ADAMTS17: variants seen among roughly 807,000 people sequenced by gnomAD.
ADAMTS17 encodes the protein A disintegrin and metalloproteinase with thrombospondin motifs 17.
In ADAMTS17, 113 loss-of-function variants were observed where a neutral mutation model predicts 141.5. The observed-to-expected ratio is 0.80, with a 90% CI of 0.69 to 0.93. ADAMTS17 has a LOEUF of 0.93. Ranked by LOEUF, ADAMTS17 falls within the 40% of genes least tolerant of loss-of-function variation. ADAMTS17 has a pLI of 0.00. For missense variants in ADAMTS17, 1,659 were observed against 1,517.9 expected, an observed-to-expected ratio of 1.09 and a Z score of -1.54; for synonymous variants, 768 against 630.6, an observed-to-expected ratio of 1.22 and a Z score of -3.27.
intron 18 of ADAMTS17, among the ~76,000 whole-genome samples, chr15:100,027,310 C>T (rs2043409132): frequency 1.3e-5 from 2 of 151,452 alleles, no homozygotes; most frequent in African/African-American, 2.4e-5. Context: ...GCATTCTTTT[C>T]ATTTTGTCAG....
intron 15 of ADAMTS17, among the ~76,000 whole-genome samples, chr15:100,063,332 T>C (rs773953211): frequency 6.6e-6 from 1 of 152,234 alleles, no homozygotes; most frequent in African/African-American, 2.4e-5. Context: ...TGGCCTGCAC[T>C]GCTCAGACTC....
chr15:100,341,515 G>C, intron 1 of ADAMTS17, 106 bp from the exon 2 acceptor site: 3 of 970,482 alleles, frequency 3.1e-6, no homozygotes, highest in South Asian at 4.8e-5. Context: ...ACCCGGAGCC[G>C]GCGCTGCCTT....
In ADAMTS17 at chr15:100,108,863, G is replaced by T. The variant is rs1187922095; in HGVS notation, c.2016+126C>A. On this transcript the variant is annotated intron_variant, in intron 14 of 21. Coordinates refer to ENST00000268070, the MANE Select transcript of ADAMTS17 (RefSeq NM_139057.4). ...CTGGCGGCAGGAGGCGGCATCACTG[G>T]GTGCCTTCCTAAGAAAATCCACTCC... 5.9e-6 allele frequency: 9 copies of T among 1,529,238 alleles called. No individual in the cohort carries two copies. In the East Asian group the frequency reaches 1.8e-4, roughly 31 times the overall value. The allele number at this position is 1,529,238 out of a possible 1,614,324, so 94.7% of individuals were successfully genotyped here.
At chr15:100,265,703 A>C (rs2043690081) in intron 4 of ADAMTS17, among the ~76,000 whole-genome samples, 1 of 152,216 alleles carries the variant, frequency 6.6e-6, no homozygotes. Flanking sequence ...GCCTCCCCCC[A>C]GAGCCACACA....
At chr15:100,254,659 C>G (rs1489021612) in intron 6 of ADAMTS17, among the ~76,000 whole-genome samples, 1 of 152,166 alleles carries the variant, frequency 6.6e-6, no homozygotes, top group Non-Finnish European at 1.5e-5. Context: ...CTCTACTATG[C>G]AGCCATAAAA....
intron 10 of ADAMTS17, among the ~76,000 whole-genome samples, chr15:100,151,144 G>A (rs2039143547): frequency 1.3e-5 from 2 of 152,190 alleles, no homozygotes; most frequent in South Asian, 4.1e-4. Context: ...GGAGGTACAG[G>A]CATCCAGTGG....
intron 8 of ADAMTS17, among the ~76,000 whole-genome samples, chr15:100,180,511 T>C (rs1181704051): frequency 1.3e-5 from 2 of 152,230 alleles, no homozygotes; most frequent in African/African-American, 4.8e-5. Flanking sequence ...GGGTCTTTTA[T>C]GGTTCCATAT....
intron 12 of ADAMTS17, among the ~76,000 whole-genome samples, chr15:100,118,742 C>A (rs527520426): frequency 6.6e-6 from 1 of 152,238 alleles, no homozygotes; most frequent in African/African-American, 2.4e-5. Context: ...GGCTGGCCCC[C>A]AAAAGCCACA....
chr15:100,103,986 T>C (rs1389760554), intron 14 of ADAMTS17, among the ~76,000 whole-genome samples: 1 of 152,200 alleles, frequency 6.6e-6, no homozygotes, highest in Non-Finnish European at 1.5e-5. Context: ...TGAAGGTGTT[T>C]TGGCTTGGTA....
At chr15:99,985,293 T>C (rs1404291586) in intron 20 of ADAMTS17, among the ~76,000 whole-genome samples, 1 of 152,240 alleles carries the variant, frequency 6.6e-6, no homozygotes, top group African/African-American at 2.4e-5. Context: ...CTGCCTCTCT[T>C]GATCTGGATG....
chr15:100,311,276 G>T (rs1373460205), intron 3 of ADAMTS17, among the ~76,000 whole-genome samples: 1 of 152,116 alleles, frequency 6.6e-6, no homozygotes, highest in East Asian at 1.9e-4. Context: ...GAGCTGGCAG[G>T]GACCTCTCTC....
At chr15:100,096,310 G>A in intron 15 of ADAMTS17, 46 bp downstream of exon 15, 8 of 1,609,442 alleles carry the variant, frequency 5.0e-6, no homozygotes, top group Non-Finnish European at 6.8e-6. Flanking sequence ...GTAGGCAAAG[G>A]ACACAAAACA....
chr15:100,056,886 C>T (rs8028718), intron 15 of ADAMTS17, among the ~76,000 whole-genome samples: 118,985 of 151,962 alleles, frequency 0.78, 48,225 homozygotes, highest in Non-Finnish European at 0.89. Context: ...AAGATGAACA[C>T]AACACAATTT....
At chr15:100,107,166 G>T (rs1181218801) in intron 14 of ADAMTS17, among the ~76,000 whole-genome samples, 2 of 152,222 alleles carry the variant, frequency 1.3e-5, no homozygotes, top group Admixed American at 1.3e-4. Flanking sequence ...CCTGGAAGCT[G>T]TCTTTGTGTC....
intron 12 of ADAMTS17, among the ~76,000 whole-genome samples, chr15:100,117,966 C>T (rs779514286): frequency 7.9e-5 from 12 of 152,320 alleles, no homozygotes; most frequent in Non-Finnish European, 1.5e-4. Context: ...TTAGCCATTT[C>T]GTGTTGTGTA....
intron 15 of ADAMTS17, among the ~76,000 whole-genome samples, chr15:100,068,088 G>C (rs2033679337): frequency 6.6e-6 from 1 of 152,080 alleles, no homozygotes; most frequent in African/African-American, 2.4e-5. Flanking sequence ...TTAGCAAACG[G>C]CACGCCAGGA....
At chr15:100,152,859 G>C (rs1283241393) in intron 9 of ADAMTS17, 97 bp from the exon 10 acceptor site, 4 of 1,478,276 alleles carry the variant, frequency 2.7e-6, no homozygotes, top group Non-Finnish European at 2.7e-6. Flanking sequence ...TCACTGAGAA[G>C]AGGGCACCTC....
chr15:100,226,222 C>T (rs1376751976), intron 7 of ADAMTS17, among the ~76,000 whole-genome samples: 1 of 152,246 alleles, frequency 6.6e-6, no homozygotes, highest in Non-Finnish European at 1.5e-5. Flanking sequence ...GTTCTGGGTG[C>T]TGCTCCAGGG....
chr15:100,120,935 C>T (rs1482373636), intron 12 of ADAMTS17, among the ~76,000 whole-genome samples: 1 of 152,158 alleles, frequency 6.6e-6, no homozygotes, highest in Non-Finnish European at 1.5e-5. Flanking sequence ...AAACGACTGT[C>T]TTAAAAATGC....
Sources: gnomAD v4.1 joint callset for allele counts (sites outside exome capture counted in the v4.1 genomes callset) on GRCh38, gnomAD v4.1.1 for gene constraint, MANE v1.5 for transcripts, NCBI Gene and HGNC (gene_info 2026-07-23, HGNC 2026-07-21) for gene names.